ITGA9: variants seen among roughly 807,000 people sequenced by gnomAD.
The protein encoded by ITGA9 is integrin subunit alpha 9, also known as integrin alpha-9.
Under a neutral mutation model 127.8 loss-of-function variants are expected in ITGA9, and 56 were observed. The ratio of observed to expected loss-of-function variants is 0.44; its 90% CI spans 0.35 to 0.55. The LOEUF (loss-of-function observed/expected upper bound fraction) is 0.55. Ranked by LOEUF, ITGA9 falls within the 20% of genes least tolerant of loss-of-function variation. The probability of loss-of-function intolerance (pLI) is 0.00; values close to 1 mark genes in which losing one functional copy is unlikely to be tolerated. For missense variants in ITGA9, 1,196 were observed against 1,347.1 expected, an observed-to-expected ratio of 0.89 and a Z score of 1.76; for synonymous variants, 508 against 514.5, an observed-to-expected ratio of 0.99 and a Z score of 0.17.
intron 1 of ITGA9, among the ~76,000 whole-genome samples, chr3:37,460,181 G>T (rs2125547176): frequency 6.6e-6 from 1 of 152,274 alleles, no homozygotes; most frequent in Non-Finnish European, 1.5e-5. Context: ...GGTAGCCATG[G>T]TGGCCAGTGT....
intron 27 of ITGA9, among the ~76,000 whole-genome samples, chr3:37,809,451 T>C (rs2125564879): frequency 6.6e-6 from 1 of 152,232 alleles, no homozygotes; most frequent in Admixed American, 6.5e-5. Flanking sequence ...TTAAAGTAGA[T>C]GAAACCTCAT....
chr3:37,740,272 G>A (rs530911334), intron 20 of ITGA9, among the ~76,000 whole-genome samples: 1 of 152,246 alleles, frequency 6.6e-6, no homozygotes, highest in African/African-American at 2.4e-5. Flanking sequence ...AGGATGAGCT[G>A]AGCCAGCCTC....
rs1211919723 is a variant in ITGA9 at position 37,806,098 on chromosome 3, AATTTGTTGTTT to A, written c.3009+2161_3009+2171del. Reference sequence around the variant, plus strand: ...TGTTACCTTTTAAAAACAATCTGCCAATTTGTTGTTTATTTAATCCACATCGCCAGATAGAT... The same window carrying A: ...TGTTACCTTTTAAAAACAATCTGCCAATTTAATCCACATCGCCAGATAGAT... On this transcript the variant is annotated intron_variant, in intron 27 of 27. Coordinates refer to ENST00000264741, the MANE Select transcript of ITGA9 (RefSeq NM_002207.3). The surrounding 1 kb of genome is among the most constrained non-coding windows in gnomAD (Gnocchi z 4.3). The A allele has an allele frequency of 1.3e-5, 2 of 152,242 alleles. No homozygotes were observed. The highest frequency in any genetic ancestry group is 4.8e-5 in the African/African-American group (2 of 41,466). The allele number at this position is 152,242 out of a possible 1,614,324, so 9.4% of individuals were successfully genotyped here.
Position 37,666,557 on chromosome 3 carries a change from G to A in ITGA9, c.1916+12767G>A, listed in dbSNP as rs111630406. Among the ~76,000 whole-genome samples the A allele has an allele frequency of 2.2e-3, 329 of 152,224 alleles. 2 individuals are homozygous for A. Among genetic ancestry groups the A allele is most frequent in the African/African-American group, 7.5e-3 (311 of 41,534 alleles). ...GTTTGTGGTTCGCTGGCGTTCCTCCGCATGGTCTCTCCTCCTCCAGCAGGC... is the reference window on the plus strand; with the variant it reads ...GTTTGTGGTTCGCTGGCGTTCCTCCACATGGTCTCTCCTCCTCCAGCAGGC... On this transcript the variant is annotated intron_variant, in intron 17 of 27. Coordinates refer to ENST00000264741, the MANE Select transcript of ITGA9 (RefSeq NM_002207.3).
intron 15 of ITGA9, among the ~76,000 whole-genome samples, chr3:37,603,602 C>T (rs1177402645): frequency 2.6e-5 from 4 of 152,156 alleles, no homozygotes; most frequent in Non-Finnish European, 5.9e-5. Context: ...TGCTATTAAG[C>T]TTTAAATGGA....
chr3:37,803,381 C>T (rs955083903), intron 26 of ITGA9, among the ~76,000 whole-genome samples: 3 of 152,166 alleles, frequency 2.0e-5, no homozygotes, highest in Non-Finnish European at 4.4e-5. Context: ...AATCGTTCAG[C>T]GGAGCTTATG....
At chr3:37,704,861 C>T (rs1246553626) in intron 18 of ITGA9, among the ~76,000 whole-genome samples, 1 of 152,202 alleles carries the variant, frequency 6.6e-6, no homozygotes, top group Non-Finnish European at 1.5e-5. Flanking sequence ...TGTAGAACAT[C>T]TGTGATTTTC....
chr3:37,461,998 GA>G (rs36016395), intron 1 of ITGA9, among the ~76,000 whole-genome samples: 45,955 of 151,994 alleles, frequency 0.3, 7,370 homozygotes, highest in Middle Eastern at 0.42. Context: ...TATTTCTCTT[GA>G]AAAAAAATTA....
chr3:37,800,856 A>G (rs1237720019), intron 26 of ITGA9, among the ~76,000 whole-genome samples: 2 of 152,214 alleles, frequency 1.3e-5, no homozygotes, highest in Non-Finnish European at 2.9e-5. Flanking sequence ...CAATTTCCCA[A>G]ACATAACAGT....
At chr3:37,558,081 T>C (rs1291152328) in intron 15 of ITGA9, among the ~76,000 whole-genome samples, 1 of 152,214 alleles carries the variant, frequency 6.6e-6, no homozygotes, top group Non-Finnish European at 1.5e-5. Flanking sequence ...GTTGCACTTT[T>C]CAGCCGCTCC....
Position 37,653,769 on chromosome 3 carries a change from A to G in ITGA9, c.1895A>G (p.Gln632Arg), listed in dbSNP as rs57547208. ...GACTGTGCCGCAGACCTGCAGCTTC[A>G]GGGTAAACTGCTGCTCTCCAGGTAT... ...SEDCAADLQL[Q>R]GKLLLSSMDE... is the part of the protein sequence containing the mutation. The change falls in exon 17 of 28, where the codon CAG becomes CGG. Residue 632 changes from glutamine to arginine, a missense_variant. Coordinates refer to ENST00000264741, the MANE Select transcript of ITGA9 (RefSeq NM_002207.3). The G allele has an allele frequency of 0.041, 65,541 of 1,612,952 alleles. 1,507 individuals are homozygous for G. The highest frequency in any genetic ancestry group is 0.061 in the African/African-American group (4,562 of 74,986).
At chr3:37,705,034 T>A (rs1339823578) in intron 18 of ITGA9, among the ~76,000 whole-genome samples, 1 of 152,204 alleles carries the variant, frequency 6.6e-6, no homozygotes, top group African/African-American at 2.4e-5. Context: ...CTAAAGGTGT[T>A]AGTTCCCCTC....
At chr3:37,601,830 G>A (rs1247605317) in intron 15 of ITGA9, among the ~76,000 whole-genome samples, 1 of 152,226 alleles carries the variant, frequency 6.6e-6, no homozygotes, top group Non-Finnish European at 1.5e-5. Context: ...AAGAAAAGAT[G>A]TGTATTCGGC....
chr3:37,611,956 T>C (rs1700020803), intron 15 of ITGA9, among the ~76,000 whole-genome samples: 1 of 152,074 alleles, frequency 6.6e-6, no homozygotes, highest in Non-Finnish European at 1.5e-5. Flanking sequence ...TGCTCTGCCT[T>C]GGCCGAAACA....
At chr3:37,666,178 A>G (rs1037354462) in intron 17 of ITGA9, among the ~76,000 whole-genome samples, 1 of 152,194 alleles carries the variant, frequency 6.6e-6, no homozygotes, top group African/African-American at 2.4e-5. Flanking sequence ...AGTTCCCCGG[A>G]AGCACAAGGG....
intron 5 of ITGA9, among the ~76,000 whole-genome samples, chr3:37,494,856 G>T (rs1467518953): frequency 6.6e-6 from 1 of 152,154 alleles, no homozygotes; most frequent in Admixed American, 6.5e-5. Context: ...GGAAGGAGTC[G>T]ATTTGGGGAT....
At chr3:37,473,136 C>CAAAAAAAAAAAA (rs36109791) in intron 2 of ITGA9, among the ~76,000 whole-genome samples, 23 of 70,766 alleles carry the variant, frequency 3.3e-4, no homozygotes, top group African/African-American at 9.6e-4. Context: ...GAGACTGTCT[C>CAAAAAAAAAAAA]AAAAAAAAAA....
Position 37,691,108 on chromosome 3 carries a change from G to T in ITGA9, c.2067+7093G>T, listed in dbSNP as rs1279034179. On this transcript the variant is annotated intron_variant, in intron 18 of 27. Transcript: ENST00000264741. The stretch of plus-strand genomic sequence containing the variant: ...GAGACCTACATGGTTTTGGAAAAAT[G>T]CTCTTGGGTGCAGAGATGCCGTAAT... Among the ~76,000 whole-genome samples the T allele has an allele frequency of 5.9e-5, 9 of 152,314 alleles. No individual in the cohort carries two copies. In the South Asian group the frequency reaches 1.9e-3, roughly 32 times the overall value.
At chr3:37,765,003 C>A (rs904117967) in intron 23 of ITGA9, among the ~76,000 whole-genome samples, 3 of 152,174 alleles carry the variant, frequency 2.0e-5, no homozygotes, top group Non-Finnish European at 4.4e-5. Flanking sequence ...TATCATCAGT[C>A]TTCTTCCACC....
Sources: allele counts gnomAD v4.1 joint callset (sites outside exome capture counted in the v4.1 genomes callset), GRCh38; gene constraint gnomAD v4.1.1; non-coding constraint Gnocchi (gnomAD v3.1); transcripts MANE v1.5; gene names NCBI Gene and HGNC (gene_info 2026-07-23, HGNC 2026-07-21).